Variants in AKAP19 observed in about 807,000 individuals in gnomAD.
AKAP19 encodes the protein small A-kinase anchoring protein.
the AKAP19 span, among the ~76,000 whole-genome samples, chr2:190,001,933 C>T: frequency 6.6e-6 from 1 of 152,224 alleles, no homozygotes; most frequent in African/African-American, 2.4e-5. Context: ...GGCCCCCTTC[C>T]TCTGGCCAGC....
At chr2:190,198,430 C>G in the AKAP19 span, among the ~76,000 whole-genome samples, 1 of 151,964 alleles carries the variant, frequency 6.6e-6, no homozygotes. Flanking sequence ...CACTTGACCC[C>G]GGGAGTTCAA....
the AKAP19 span, among the ~76,000 whole-genome samples, chr2:189,984,732 G>C: frequency 1.3e-5 from 2 of 152,166 alleles, no homozygotes; most frequent in South Asian, 4.2e-4. Context: ...AATTACAAAA[G>C]TATTAATTTG....
the AKAP19 span, chr2:190,056,831 T>C: frequency 5.2e-6 from 1 of 192,638 alleles, no homozygotes; most frequent in Non-Finnish European, 1.1e-5. Context: ...TGTTTAAGGA[T>C]GATTCGAATG....
chr2:189,935,518 C>T, the AKAP19 span, among the ~76,000 whole-genome samples: 2 of 151,870 alleles, frequency 1.3e-5, no homozygotes, highest in Non-Finnish European at 2.9e-5. Flanking sequence ...ATAATAGGTA[C>T]ATAAATATAA....
At chr2:190,053,705 A>T in the AKAP19 span, among the ~76,000 whole-genome samples, 1 of 152,080 alleles carries the variant, frequency 6.6e-6, no homozygotes, top group Non-Finnish European at 1.5e-5. Flanking sequence ...TAGTACTCGT[A>T]TGTTTTATTT....
the AKAP19 span, among the ~76,000 whole-genome samples, chr2:190,053,709 T>C: frequency 6.6e-6 from 1 of 152,190 alleles, no homozygotes; most frequent in Non-Finnish European, 1.5e-5. Context: ...ACTCGTATGT[T>C]TTATTTTTAG....
chr2:189,963,185 C>T, the AKAP19 span, among the ~76,000 whole-genome samples: 8 of 132,652 alleles, frequency 6.0e-5, no homozygotes, highest in Middle Eastern at 4.1e-3. Flanking sequence ...ATCACATCTT[C>T]GGGCTTCACT....
chr2:189,939,519 G>A, the AKAP19 span, among the ~76,000 whole-genome samples: 1 of 152,246 alleles, frequency 6.6e-6, no homozygotes, highest in Middle Eastern at 3.4e-3. Flanking sequence ...TCCATCCAAA[G>A]ACGCAGACAT....
At chr2:190,135,577 A>G in the AKAP19 span, among the ~76,000 whole-genome samples, 1 of 143,244 alleles carries the variant, frequency 7.0e-6, no homozygotes, top group African/African-American at 2.6e-5. Flanking sequence ...TTATTGGTTT[A>G]GAGCATGGGT....
At chr2:190,116,282 G>A in the AKAP19 span, among the ~76,000 whole-genome samples, 1 of 152,326 alleles carries the variant, frequency 6.6e-6, no homozygotes, top group East Asian at 1.9e-4. Flanking sequence ...TCAAGATCAA[G>A]GAACTGCATC....
the AKAP19 span, among the ~76,000 whole-genome samples, chr2:190,041,301 T>A: frequency 6.6e-6 from 1 of 152,218 alleles, no homozygotes; most frequent in Non-Finnish European, 1.5e-5. Context: ...ATTGCCTTTC[T>A]GATTTGGCTC....
At chr2:189,931,130 C>A in the AKAP19 span, 1 of 335,640 alleles carries the variant, frequency 3.0e-6, no homozygotes. Context: ...GTTGCTCATA[C>A]TTTCCTCCAC....
the AKAP19 span, among the ~76,000 whole-genome samples, chr2:190,128,070 G>A: frequency 2.6e-5 from 4 of 152,106 alleles, no homozygotes; most frequent in Non-Finnish European, 4.4e-5. Flanking sequence ...ATGTGAGGGT[G>A]GCACTCAATG....
At chr2:189,993,873 T>C in the AKAP19 span, among the ~76,000 whole-genome samples, 1 of 152,182 alleles carries the variant, frequency 6.6e-6, no homozygotes, top group Admixed American at 6.5e-5. Context: ...ACATTTCTAA[T>C]TGAGCTTATT....
the AKAP19 span, among the ~76,000 whole-genome samples, chr2:190,068,217 CT>C: frequency 6.6e-6 from 1 of 152,178 alleles, no homozygotes; most frequent in Non-Finnish European, 1.5e-5. Context: ...AATCCCTACC[CT>C]TCCATCCCCC....
chr2:189,992,342 C>A, the AKAP19 span, among the ~76,000 whole-genome samples: 1 of 152,098 alleles, frequency 6.6e-6, no homozygotes, highest in Admixed American at 6.6e-5. Context: ...AGGCGTAAGC[C>A]ACCACTCCTG....
the AKAP19 span, among the ~76,000 whole-genome samples, chr2:189,941,496 T>A: frequency 6.6e-6 from 1 of 151,490 alleles, no homozygotes; most frequent in Non-Finnish European, 1.5e-5. Flanking sequence ...AATTTAAACG[T>A]AAAGTTTTTG....
chr2:190,128,743 A>G, the AKAP19 span, among the ~76,000 whole-genome samples: 1 of 152,256 alleles, frequency 6.6e-6, no homozygotes, highest in Non-Finnish European at 1.5e-5. Context: ...CGTATTATAC[A>G]AAACAAAACA....
the AKAP19 span, among the ~76,000 whole-genome samples, chr2:190,164,425 G>T: frequency 6.6e-6 from 1 of 152,146 alleles, no homozygotes; most frequent in Non-Finnish European, 1.5e-5. Flanking sequence ...CAGCTACTGG[G>T]GCGGCTGAGG....
Sources: allele counts gnomAD v4.1 joint callset (sites outside exome capture counted in the v4.1 genomes callset), GRCh38; gene constraint gnomAD v4.1.1; transcripts MANE v1.5; gene names NCBI Gene and HGNC (gene_info 2026-07-23, HGNC 2026-07-21).